Variants in FSTL4 observed in about 807,000 individuals in gnomAD.
FSTL4 encodes follistatin-related protein 4.
A neutral mutation model predicts 78.2 loss-of-function variants in FSTL4; 28 were observed. That is an observed-to-expected ratio of 0.36 (90% CI 0.27 to 0.49). The LOEUF is 0.49. FSTL4 is among the 20% of genes least tolerant of loss of function. The pLI is 0.98. For missense variants in FSTL4, 922 were observed against 1,084.9 expected (o/e 0.85, Z 2.11); for synonymous variants, 422 against 440.5 (o/e 0.96, Z 0.53).
At chr5:133,204,665 C>T (rs1750435135) in intron 14 of FSTL4, among the ~76,000 whole-genome samples, 1 of 151,966 alleles carries the variant, frequency 6.6e-6, no homozygotes, top group Non-Finnish European at 1.5e-5. Context: ...AACCCCATCT[C>T]TACAAAAAAT....
intron 4 of FSTL4, among the ~76,000 whole-genome samples, chr5:133,324,609 T>C (rs920294384): frequency 1.3e-5 from 2 of 152,262 alleles, no homozygotes; most frequent in Non-Finnish European, 2.9e-5. Flanking sequence ...CCTGTTAGAC[T>C]GTGAGCTCCT....
intron 3 of FSTL4, among the ~76,000 whole-genome samples, chr5:133,486,954 G>A (rs553653090): frequency 3.9e-4 from 59 of 152,318 alleles, no homozygotes; most frequent in African/African-American, 7.9e-4. Flanking sequence ...CACCTGACAT[G>A]TGACACTGGC....
At chr5:133,259,573 C>T (rs549957337) in intron 6 of FSTL4, among the ~76,000 whole-genome samples, 44 of 144,064 alleles carry the variant, frequency 3.1e-4, no homozygotes, top group Admixed American at 4.3e-4. Flanking sequence ...GGCTGGAGTG[C>T]GCGGCACGAT....
intron 6 of FSTL4, among the ~76,000 whole-genome samples, chr5:133,286,140 G>A (rs1478107211): frequency 1.3e-5 from 2 of 152,182 alleles, no homozygotes; most frequent in African/African-American, 2.4e-5. Context: ...CAGTGCTTAG[G>A]AGCCTGGGTT....
chr5:133,450,955 A>G (rs1376011590), intron 3 of FSTL4, among the ~76,000 whole-genome samples: 1 of 151,704 alleles, frequency 6.6e-6, no homozygotes, highest in Non-Finnish European at 1.5e-5. Flanking sequence ...CTGGAGGGGG[A>G]ATGGGGTGAG....
chr5:133,257,740 A>T (rs1268209192), intron 6 of FSTL4, among the ~76,000 whole-genome samples: 1 of 152,118 alleles, frequency 6.6e-6, no homozygotes, highest in Non-Finnish European at 1.5e-5. Context: ...ACAGTGCTGC[A>T]TACCAGCTCT....
At chr5:133,219,606 C>T (rs931816119) in intron 12 of FSTL4, among the ~76,000 whole-genome samples, 2 of 152,212 alleles carry the variant, frequency 1.3e-5, no homozygotes, top group East Asian at 1.9e-4. Flanking sequence ...TTGTAATTCT[C>T]GTTAGGTGTT....
At chr5:133,511,394 T>C (rs1758727698) in intron 3 of FSTL4, among the ~76,000 whole-genome samples, 1 of 152,194 alleles carries the variant, frequency 6.6e-6, no homozygotes, top group Non-Finnish European at 1.5e-5. Flanking sequence ...ATACCAATCC[T>C]GTCAACCACG....
At chr5:133,546,858 C>A (rs879443737) in intron 3 of FSTL4, among the ~76,000 whole-genome samples, 11 of 152,174 alleles carry the variant, frequency 7.2e-5, no homozygotes, top group Admixed American at 1.3e-4. Context: ...CTAGAAAGTA[C>A]AAGTTGACCT....
At chr5:133,750,075 A>C in the FSTL4 span, among the ~76,000 whole-genome samples, 1 of 152,094 alleles carries the variant, frequency 6.6e-6, no homozygotes, top group Non-Finnish European at 1.5e-5. Context: ...GGTTAATGGG[A>C]GGGGTGAGCT....
chr5:133,360,711 G>A (rs921108558), intron 4 of FSTL4, among the ~76,000 whole-genome samples: 5 of 151,948 alleles, frequency 3.3e-5, no homozygotes, highest in African/African-American at 1.2e-4. Context: ...CTCATAGAAG[G>A]GCTATGTTTT....
chr5:133,604,706 T>C (rs1277302163), intron 1 of FSTL4, among the ~76,000 whole-genome samples: 6 of 152,062 alleles, frequency 3.9e-5, no homozygotes, highest in African/African-American at 1.2e-4. Flanking sequence ...GAGACTCTTG[T>C]CTCAAAAAAA....
intron 2 of FSTL4, among the ~76,000 whole-genome samples, chr5:133,593,417 C>T (rs191169044): frequency 1.8e-4 from 28 of 151,976 alleles, no homozygotes; most frequent in African/African-American, 5.6e-4. Flanking sequence ...TGTTGAAGGA[C>T]GGTAAAGGAG....
chr5:133,692,307 C>T, the FSTL4 span, among the ~76,000 whole-genome samples: 1 of 152,180 alleles, frequency 6.6e-6, no homozygotes, highest in Non-Finnish European at 1.5e-5. Flanking sequence ...ACAGAGGCCA[C>T]AAGGATCTTG....
chr5:133,653,233 T>C, the FSTL4 span, among the ~76,000 whole-genome samples: 2 of 152,092 alleles, frequency 1.3e-5, no homozygotes, highest in Non-Finnish European at 2.9e-5. Context: ...AAGGAGAAAT[T>C]CTAAAATCCC....
intron 7 of FSTL4, among the ~76,000 whole-genome samples, chr5:133,245,946 C>T (rs916455555): frequency 6.6e-6 from 1 of 152,198 alleles, no homozygotes; most frequent in Non-Finnish European, 1.5e-5. Context: ...TGACTGAATT[C>T]ATTAATAGAA....
chr5:133,527,915 C>T (rs997182057), intron 3 of FSTL4, among the ~76,000 whole-genome samples: 8 of 152,204 alleles, frequency 5.3e-5, no homozygotes, highest in Admixed American at 2.0e-4. Flanking sequence ...CCAAGGAACA[C>T]TGGGCACTCA....
At chr5:133,630,390 A>G in the FSTL4 span, among the ~76,000 whole-genome samples, 3 of 152,186 alleles carry the variant, frequency 2.0e-5, no homozygotes, top group Non-Finnish European at 4.4e-5. Flanking sequence ...ACTCCCATTC[A>G]CCGTTGCTAC....
At position 133,199,843 on chromosome 5, in the gene FSTL4, G is replaced by C. The variant is rs1180945680; in HGVS notation, c.1827-46C>G. ...GTCAGAAGTTGCCTCCAGGGGTGGGGAATCTGTCATTTGTCTTAAACAATT... is the reference window on the plus strand; with the variant it reads ...GTCAGAAGTTGCCTCCAGGGGTGGGCAATCTGTCATTTGTCTTAAACAATT... On this transcript the variant is annotated intron_variant, in intron 15 of 15. Transcript: ENST00000265342. This position sits in a 1 kb window ranked among gnomAD's most constrained non-coding sequence, Gnocchi z 4.4. 1 of 998,762 alleles carries C rather than the reference G, an allele frequency of 1.0e-6. No individual in the cohort carries two copies. Among genetic ancestry groups the C allele is most frequent in the South Asian group, 1.6e-5 (1 of 64,472 alleles). The allele number at this position is 998,762 out of a possible 1,614,324, so 61.9% of individuals were successfully genotyped here.
Sources: gnomAD v4.1 joint callset for allele counts (sites outside exome capture counted in the v4.1 genomes callset) on GRCh38, gnomAD v4.1.1 for gene constraint, Gnocchi (gnomAD v3.1) non-coding constraint, MANE v1.5 for transcripts, NCBI Gene and HGNC (gene_info 2026-07-23, HGNC 2026-07-21) for gene names.